The following CTNNA2 variants were observed in gnomAD, a reference collection of about 807,000 sequenced individuals.
CTNNA2 encodes the protein catenin alpha-2.
A neutral mutation model predicts 101.0 loss-of-function variants in CTNNA2; 42 were observed. The observed-to-expected ratio is 0.42, with a 90% CI of 0.32 to 0.54. The LOEUF is 0.54. Among genes scored for constraint, CTNNA2 ranks in the 20% least tolerant of loss-of-function variants. The pLI is 0.14. For missense variants in CTNNA2, 871 were observed against 1,223.1 expected (o/e 0.71, Z 4.29); for synonymous variants, 450 against 456.4 (o/e 0.99, Z 0.18).
At chr2:80,527,740 C>T (rs974642575) in intron 9 of CTNNA2, among the ~76,000 whole-genome samples, 2 of 152,148 alleles carry the variant, frequency 1.3e-5, no homozygotes, top group Admixed American at 1.3e-4. Context: ...GCTGATGGAC[C>T]CAGACCAATG....
intron 9 of CTNNA2, among the ~76,000 whole-genome samples, chr2:80,526,533 A>G (rs1244715789): frequency 6.6e-6 from 1 of 152,000 alleles, no homozygotes; most frequent in African/African-American, 2.4e-5. Context: ...GGGTTTCACC[A>G]TGTTGGCCAG....
At chr2:80,572,088 T>G (rs56032511) in intron 12 of CTNNA2, among the ~76,000 whole-genome samples, 1,903 of 152,268 alleles carry the variant, frequency 0.012, 48 homozygotes, top group African/African-American at 0.04. Flanking sequence ...GTCAAAGCAC[T>G]TGCCGAAATG....
intron 4 of CTNNA2, among the ~76,000 whole-genome samples, chr2:79,421,603 G>A (rs1484223399): frequency 6.6e-6 from 1 of 152,034 alleles, no homozygotes; most frequent in Non-Finnish European, 1.5e-5. Context: ...TACACTGTAG[G>A]GTCAAGCACA....
At chr2:79,611,271 T>C (rs1234622392) in intron 1 of CTNNA2, among the ~76,000 whole-genome samples, 1 of 152,130 alleles carries the variant, frequency 6.6e-6, no homozygotes, top group Admixed American at 6.6e-5. Context: ...TAATATCTTT[T>C]TAATCTTGAG....
At chr2:79,370,462 G>A (rs1677844688) in intron 3 of CTNNA2, among the ~76,000 whole-genome samples, 1 of 152,174 alleles carries the variant, frequency 6.6e-6, no homozygotes, top group African/African-American at 2.4e-5. Context: ...CTGGATGTTA[G>A]CAATAGAAAA....
At chr2:80,313,352 G>C in intron 7 of CTNNA2, 1 of 1,342,596 alleles carries the variant, frequency 7.4e-7, no homozygotes, top group Non-Finnish European at 9.6e-7. Context: ...TTCATTTGTT[G>C]TAAGTCAGAT....
In CTNNA2 at chr2:80,587,462, T is replaced by C. The variant is rs113493063; in HGVS notation, c.2008-1842T>C. Among the ~76,000 whole-genome samples, 302 of 152,302 alleles carry C rather than the reference T, an allele frequency of 2.0e-3. 2 individuals are homozygous for C. The highest frequency in any genetic ancestry group is 3.7e-3 in the Non-Finnish European group (249 of 68,032). On this transcript the variant is annotated intron_variant, in intron 14 of 18. Coordinates refer to ENST00000402739, the MANE Select transcript of CTNNA2 (RefSeq NM_001282597.3). ...CTTTCATTTTATTTGAAAAAACACA[T>C]ATTATTTAATTTGCTGCCCACCATC... is the stretch of plus-strand genomic sequence containing the variant.
At chr2:80,369,386 C>G (rs941093698) in intron 7 of CTNNA2, among the ~76,000 whole-genome samples, 1 of 152,096 alleles carries the variant, frequency 6.6e-6, no homozygotes, top group Non-Finnish European at 1.5e-5. Flanking sequence ...ACCTAGTAAT[C>G]TACTTCTAGG....
intron 3 of CTNNA2, among the ~76,000 whole-genome samples, chr2:79,749,841 T>C (rs1190401860): frequency 6.6e-6 from 1 of 152,244 alleles, no homozygotes; most frequent in Non-Finnish European, 1.5e-5. Flanking sequence ...CTAAATGTTC[T>C]ATAGATGTCA....
intron 7 of CTNNA2, among the ~76,000 whole-genome samples, chr2:79,926,254 T>C (rs1367464392): frequency 2.0e-5 from 3 of 152,136 alleles, no homozygotes; most frequent in Non-Finnish European, 4.4e-5. Flanking sequence ...AGGTGAAGAA[T>C]AGCATGCTGT....
Position 79,291,741 on chromosome 2 carries a change from A to G in CTNNA2, c.-405-20968A>G, listed in dbSNP as rs201814070. Among the ~76,000 whole-genome samples the G allele has an allele frequency of 1.4e-4, 22 of 152,336 alleles. 1 individual carries two copies. Among genetic ancestry groups the G allele is most frequent in the Middle Eastern group, 6.8e-3 (2 of 294 alleles). On this transcript the variant is annotated intron_variant, in intron 2 of 21. Transcript: ENST00000466387. ...AAGTGCTTTGGCTACATTATTTGTG[A>G]ATAGTCTCCTCCCATGGCAGTGACT...
At chr2:79,883,058 G>GT (rs1340701589) in intron 6 of CTNNA2, among the ~76,000 whole-genome samples, 1 of 152,178 alleles carries the variant, frequency 6.6e-6, no homozygotes, top group African/African-American at 2.4e-5. Context: ...TTTGGTTGCG[G>GT]TGAAGGATTC....
intron 7 of CTNNA2, among the ~76,000 whole-genome samples, chr2:80,199,237 C>T (rs969291514): frequency 5.3e-5 from 6 of 112,724 alleles, no homozygotes; most frequent in African/African-American, 2.0e-4. Context: ...TTGATAGGAA[C>T]AGTGCTAAAC....
intron 4 of CTNNA2, among the ~76,000 whole-genome samples, chr2:79,442,287 A>G (rs1435862295): frequency 6.6e-6 from 1 of 152,192 alleles, no homozygotes. Context: ...GAAGAATAGA[A>G]GCTGATCTAT....
chr2:80,543,361 C>T (rs1182297275), intron 9 of CTNNA2, among the ~76,000 whole-genome samples: 1 of 152,116 alleles, frequency 6.6e-6, no homozygotes, highest in African/African-American at 2.4e-5. Flanking sequence ...CCTAATGAGG[C>T]ATATGTCTTT....
chr2:80,287,521 G>A (rs1011716580), intron 7 of CTNNA2, among the ~76,000 whole-genome samples: 3 of 152,104 alleles, frequency 2.0e-5, no homozygotes, highest in Admixed American at 6.6e-5. Flanking sequence ...TGATGACGAG[G>A]ATGACACTGA....
chr2:79,497,303 C>T (rs1323022911), intron 4 of CTNNA2, among the ~76,000 whole-genome samples: 1 of 152,182 alleles, frequency 6.6e-6, no homozygotes, highest in Non-Finnish European at 1.5e-5. Context: ...TATCATCTTA[C>T]ACATTTCTGC....
At chr2:80,381,977 G>C (rs1004397561) in intron 7 of CTNNA2, among the ~76,000 whole-genome samples, 1 of 152,128 alleles carries the variant, frequency 6.6e-6, no homozygotes, top group African/African-American at 2.4e-5. Context: ...ACAATCAAAA[G>C]CTTTGGCTCC....
chr2:79,788,919 A>G (rs1675055736), intron 3 of CTNNA2, among the ~76,000 whole-genome samples: 1 of 152,224 alleles, frequency 6.6e-6, no homozygotes, highest in Non-Finnish European at 1.5e-5. Flanking sequence ...ATGCGAAATC[A>G]TGAAGTTGTT....
Sources: gnomAD v4.1 joint callset for allele counts (sites outside exome capture counted in the v4.1 genomes callset) on GRCh38, gnomAD v4.1.1 for gene constraint, MANE v1.5 for transcripts, NCBI Gene and HGNC (gene_info 2026-07-23, HGNC 2026-07-21) for gene names.